Variants in RBFOX3 observed in about 807,000 individuals in gnomAD.
The protein encoded by RBFOX3 is RNA binding protein fox-1 homolog 3.
Under a neutral mutation model 48.7 loss-of-function variants are expected in RBFOX3, and 17 were observed. The observed-to-expected ratio is 0.35, with a 90% confidence interval of 0.24 to 0.52. The LOEUF (loss-of-function observed/expected upper bound fraction) is 0.52, where lower values mean the gene tolerates loss of function less well. Among genes scored for constraint, RBFOX3 ranks in the 20% least tolerant of loss-of-function variants. The probability of loss-of-function intolerance (pLI) is 0.94; values close to 1 mark genes in which losing one functional copy is unlikely to be tolerated. For missense variants in RBFOX3, 382 were observed against 497.5 expected (o/e 0.77, Z 2.21); for synonymous variants, 212 against 209.5 (o/e 1.01, Z -0.10).
At chr17:79,247,552 T>C (rs2063346340) in intron 3 of RBFOX3, among the ~76,000 whole-genome samples, 1 of 152,112 alleles carries the variant, frequency 6.6e-6, no homozygotes, top group Non-Finnish European at 1.5e-5. Context: ...CCTCAAGTGA[T>C]CCGCCCACCT....
chr17:79,412,550 ATATGTGTGTGCTGTGTGG>A (rs1196792064), intron 2 of RBFOX3, among the ~76,000 whole-genome samples: 4 of 147,154 alleles, frequency 2.7e-5, no homozygotes, highest in African/African-American at 5.1e-5. Flanking sequence ...GTTGTATGTG[ATATGTGTGTGCTGTGTGG>A]TATGTGTGTG....
rs1362352604 is a variant in RBFOX3, at chr17:79,153,220, G to A, written c.-33-37472C>T. 2.0e-5 allele frequency among the ~76,000 whole-genome samples: 3 copies of A among 152,202 alleles called. No individual in the cohort carries two copies. The East Asian group carries it at 5.8e-4, about 29-fold the overall frequency. On this transcript the variant is annotated intron_variant, in intron 4 of 14. Transcript: ENST00000693108. ...CCCAGATCCTTGGCTGGGGGTGGGT[G>A]GCGGACACAGCAGGCAACGACCACC...
At chr17:79,554,090 A>G (rs2091397404) in intron 1 of RBFOX3, among the ~76,000 whole-genome samples, 1 of 152,170 alleles carries the variant, frequency 6.6e-6, no homozygotes, top group Admixed American at 6.5e-5. Context: ...AACTTTTTCC[A>G]GAAAACAGCT....
Position 79,101,576 on chromosome 17 carries a change from C to A in RBFOX3, c.568+8G>T, listed in dbSNP as rs2076444289. Reference sequence around the variant, plus strand: ...CCAGCAGCCTTGTGGGGGGACCCAGCCCCTTACCGTTGGTGTAGGGGTTCC... The same window carrying A: ...CCAGCAGCCTTGTGGGGGGACCCAGACCCTTACCGTTGGTGTAGGGGTTCC... On this transcript the variant is annotated splice_region_variant and intron_variant, in intron 9 of 14. Coordinates refer to ENST00000693108, the MANE Select transcript of RBFOX3 (RefSeq NM_001350451.2). 4 of 1,550,594 alleles carry A rather than the reference C, an allele frequency of 2.6e-6. No homozygotes were observed. The highest frequency in any genetic ancestry group is 3.5e-6 in the Non-Finnish European group (4 of 1,146,410).
chr17:79,366,722 G>C (rs2057808639), intron 2 of RBFOX3, among the ~76,000 whole-genome samples: 1 of 152,202 alleles, frequency 6.6e-6, no homozygotes, highest in Non-Finnish European at 1.5e-5. Context: ...TGTTTGAGGA[G>C]CTGGAAGGCT....
At chr17:79,337,055 T>C (rs1289378120) in intron 2 of RBFOX3, among the ~76,000 whole-genome samples, 1 of 151,974 alleles carries the variant, frequency 6.6e-6, no homozygotes, top group Non-Finnish European at 1.5e-5. Flanking sequence ...GGAGCAGAGG[T>C]TGCAGTGAGA....
chr17:79,557,288 G>A (rs1568413369), intron 1 of RBFOX3, among the ~76,000 whole-genome samples: 1 of 151,112 alleles, frequency 6.6e-6, no homozygotes, highest in Admixed American at 6.6e-5. Context: ...GAATGAGCAG[G>A]TAGCCTGGAA....
At chr17:79,606,171 G>T (rs1014367273) in intron 1 of RBFOX3, among the ~76,000 whole-genome samples, 65 of 152,280 alleles carry the variant, frequency 4.3e-4, no homozygotes, top group East Asian at 3.3e-3. Context: ...CCAGAAGGAC[G>T]CCTGGGCCTG....
chr17:79,157,714 T>A (rs1675264), intron 4 of RBFOX3, among the ~76,000 whole-genome samples: 1 of 152,018 alleles, frequency 6.6e-6, no homozygotes, highest in Non-Finnish European at 1.5e-5. Flanking sequence ...AGGCCCACGC[T>A]GTCCCCACCA....
chr17:79,613,597 G>A (rs1049056164), upstream of RBFOX3, among the ~76,000 whole-genome samples: 4 of 152,230 alleles, frequency 2.6e-5, no homozygotes, highest in African/African-American at 9.6e-5. Flanking sequence ...CAGGGAGACT[G>A]GGCTTGGGGC....
Position 79,205,050 on chromosome 17 carries a change from C to T in RBFOX3, c.-34+30716G>A, listed in dbSNP as rs186079294. On this transcript the variant is annotated intron_variant, in intron 4 of 14. Transcript: ENST00000693108. The surrounding 1 kb of genome is among the most constrained non-coding windows in gnomAD (Gnocchi z 4.5). Reference sequence around the variant, plus strand: ...GAAACTGCAGTACCATATCCAGTTCCAGGTCTAAGGCAGTTCTCCAGTCAG... The same window carrying T: ...GAAACTGCAGTACCATATCCAGTTCTAGGTCTAAGGCAGTTCTCCAGTCAG... Among the ~76,000 whole-genome samples, 9 of 152,234 alleles carry T rather than the reference C, an allele frequency of 5.9e-5. No individual in the cohort carries two copies. The East Asian group carries it at 1.7e-3, about 29-fold the overall frequency.
At chr17:79,187,548 G>C (rs892580237) in intron 4 of RBFOX3, among the ~76,000 whole-genome samples, 2 of 152,062 alleles carry the variant, frequency 1.3e-5, no homozygotes, top group Non-Finnish European at 2.9e-5. Context: ...ACTGGGGGAC[G>C]AAAGAGGCAG....
chr17:79,272,700 T>G (rs1428506175), intron 3 of RBFOX3, among the ~76,000 whole-genome samples: 1 of 152,184 alleles, frequency 6.6e-6, no homozygotes, highest in Non-Finnish European at 1.5e-5. Flanking sequence ...TTTGCTCAGT[T>G]CCAGCTCTGT....
intron 1 of RBFOX3, among the ~76,000 whole-genome samples, chr17:79,590,146 C>G (rs1021843788): frequency 6.6e-6 from 1 of 152,088 alleles, no homozygotes; most frequent in African/African-American, 2.4e-5. Context: ...CCCCCCAGGC[C>G]ACACACTTCT....
chr17:79,428,613 C>T (rs1472563501), intron 2 of RBFOX3, among the ~76,000 whole-genome samples: 2 of 152,192 alleles, frequency 1.3e-5, no homozygotes, highest in African/African-American at 2.4e-5. Context: ...CCGACAGCCT[C>T]GGGAGGCAGA....
At chr17:79,340,679 G>A (rs1054535005) in intron 2 of RBFOX3, among the ~76,000 whole-genome samples, 6 of 151,992 alleles carry the variant, frequency 3.9e-5, no homozygotes, top group Admixed American at 2.6e-4. Context: ...GGAGACGCAA[G>A]CACTTGCAGT....
Position 79,242,261 on chromosome 17 carries a change from C to T in RBFOX3, c.-73-6456G>A, listed in dbSNP as rs573462402. Among the ~76,000 whole-genome samples the T allele has an allele frequency of 1.8e-4, 27 of 152,160 alleles. No homozygotes were observed. Among genetic ancestry groups the T allele is most frequent in the Admixed American group, 5.2e-4 (8 of 15,282 alleles). On this transcript the variant is annotated intron_variant, in intron 3 of 14. Transcript: ENST00000693108. This position sits in a 1 kb window ranked among gnomAD's most constrained non-coding sequence, Gnocchi z 5.8. ...GGGGGCAGGCCGTATGGAGGGTCCT[C>T]GAGGCAGCTTTGAGAAACTCCCAGT... is the stretch of plus-strand genomic sequence containing the variant.
chr17:79,126,955 T>C (rs1287477818), intron 4 of RBFOX3, among the ~76,000 whole-genome samples: 2 of 152,208 alleles, frequency 1.3e-5, no homozygotes, highest in African/African-American at 4.8e-5. Context: ...AGGCTGGTCC[T>C]CCAAGAACGC....
At chr17:79,257,179 G>C (rs1260337580) in intron 3 of RBFOX3, among the ~76,000 whole-genome samples, 1 of 152,170 alleles carries the variant, frequency 6.6e-6, no homozygotes, top group Non-Finnish European at 1.5e-5. Context: ...GGAAGTGACT[G>C]TCCTGGGGCC....
Sources: allele counts gnomAD v4.1 joint callset (sites outside exome capture counted in the v4.1 genomes callset), GRCh38; gene constraint gnomAD v4.1.1; non-coding constraint Gnocchi (gnomAD v3.1); transcripts MANE v1.5; gene names NCBI Gene and HGNC (gene_info 2026-07-23, HGNC 2026-07-21).